ADCY3: variants seen among roughly 807,000 people sequenced by gnomAD.
The protein encoded by ADCY3 is adenylate cyclase 3.
In ADCY3, 70 loss-of-function variants were observed where a neutral mutation model predicts 119.4. The observed-to-expected ratio is 0.59, with a 90% confidence interval of 0.48 to 0.72. The LOEUF is 0.72. Ranked by LOEUF, ADCY3 falls within the 30% of genes least tolerant of loss-of-function variation. ADCY3 has a pLI of 0.00. For synonymous variants in ADCY3, 672 were observed against 621.4 expected (o/e 1.08, Z -1.21); for missense variants, 1,238 against 1,541.6 (o/e 0.80, Z 3.30).
intron 11 of ADCY3, 135 bp from the exon 12 acceptor site, chr2:24,831,884 G>A (rs1272984145): frequency 3.5e-6 from 2 of 575,152 alleles, no homozygotes; most frequent in South Asian, 4.1e-5. Flanking sequence ...AGTGGACAGG[G>A]GCCAGGGGGC....
intron 2 of ADCY3, among the ~76,000 whole-genome samples, chr2:24,914,202 G>A (rs944096865): frequency 3.3e-5 from 5 of 152,170 alleles, no homozygotes; most frequent in African/African-American, 1.2e-4. Context: ...CCTCCCTTCC[G>A]GCTGCTCTGG....
At chr2:24,835,748 C>T (rs1670225083) in intron 9 of ADCY3, among the ~76,000 whole-genome samples, 1 of 151,954 alleles carries the variant, frequency 6.6e-6, no homozygotes, top group Non-Finnish European at 1.5e-5. Flanking sequence ...CCAGACTGGC[C>T]AACATAGTGA....
rs898486316 is a variant in ADCY3, at chr2:24,825,360, T to G, written c.2577+685A>C. 5.5e-3 allele frequency among the ~76,000 whole-genome samples: 327 copies of G among 59,314 alleles called. 2 individuals are homozygous for G. Among genetic ancestry groups the G allele is most frequent in the Non-Finnish European group, 6.2e-3 (180 of 28,824 alleles). 38.9% of individuals were successfully genotyped at this position (59,314 alleles called of 152,430 possible). ...GGGGGGGGGGGGGGTGCGGGGGGGG[T>G]GTCTCACTTTGTCACCCAGGCTGGA... On this transcript the variant is annotated intron_variant, in intron 16 of 21. Coordinates refer to ENST00000679454, the MANE Select transcript of ADCY3 (RefSeq NM_004036.5).
intron 16 of ADCY3, 99 bp from the exon 17 acceptor site, chr2:24,824,635 T>A: frequency 4.3e-6 from 6 of 1,392,702 alleles, no homozygotes; most frequent in Non-Finnish European, 5.9e-6. Flanking sequence ...ATGCCTGTAA[T>A]CCCAGCACTT....
chr2:24,826,130 C>G lies in ADCY3; in HGVS notation c.2496-4G>C, dbSNP rs1381099855. ...CTTGGAAGGCACCAGGGGCAGCCTG[C>G]TGGGCAGAGCGTGTGCAACTGAAAG... is the stretch of plus-strand genomic sequence containing the variant. On this transcript the variant is annotated splice_polypyrimidine_tract_variant and splice_region_variant and intron_variant, in intron 15 of 21. Transcript: ENST00000679454. 1.2e-6 allele frequency: 2 copies of G among 1,613,712 alleles called. No individual in the cohort carries two copies.
rs1239942745 is a variant in ADCY3, at chr2:24,819,176, T to TTGA, written c.*753_*755dup. 6.6e-6 allele frequency: 1 copy of TTGA among 152,668 alleles called. No individual in the cohort carries two copies. The highest frequency in any genetic ancestry group is 1.5e-5 in the Non-Finnish European group (1 of 68,038). 9.5% of individuals were successfully genotyped at this position (152,668 alleles called of 1,614,324 possible). A position where few individuals can be genotyped will look rare whatever the true frequency, so the allele number is the denominator to read the frequency against. Reference sequence around the variant, plus strand: ...CAGAATTTCCACAATCACTTTCAAGTTGAATAAAGCTTTTAATAAAACAGT... The same window carrying TTGA: ...CAGAATTTCCACAATCACTTTCAAGTTGATGAATAAAGCTTTTAATAAAACAGT... On this transcript the variant is annotated 3_prime_UTR_variant, in exon 22 of 22. Transcript: ENST00000679454.
At position 24,842,246 on chromosome 2, in the gene ADCY3, C is replaced by T. The variant is rs748540229; in HGVS notation, c.956+8G>A. ...TGCCATCAGAGCCCGCGCCCCGGGC[C>T]GGCGTACCTGACGTTCTCGTGACGG... On this transcript the variant is annotated splice_region_variant and intron_variant, in intron 4 of 21. Coordinates refer to ENST00000679454, the MANE Select transcript of ADCY3 (RefSeq NM_004036.5). The surrounding 1 kb of genome is among the most constrained non-coding windows in gnomAD (Gnocchi z 4.9). 27 of 1,613,846 alleles carry T rather than the reference C, an allele frequency of 1.7e-5. No individual in the cohort carries two copies. Among genetic ancestry groups the T allele is most frequent in the African/African-American group, 1.2e-4 (9 of 74,910 alleles).
intron 2 of ADCY3, among the ~76,000 whole-genome samples, chr2:24,885,869 G>A (rs1046340692): frequency 6.6e-6 from 1 of 152,112 alleles, no homozygotes; most frequent in African/African-American, 2.4e-5. Context: ...AGCTGCCTGA[G>A]GTAAACCATC....
chr2:24,825,853 G>A (rs993009792), intron 16 of ADCY3, 192 bp downstream of exon 16: 1 of 604,302 alleles, frequency 1.7e-6, no homozygotes, highest in African/African-American at 1.9e-5. Context: ...GAAGAGGTGA[G>A]GAACTGTCTT....
chr2:24,834,470 C>G lies in ADCY3; in HGVS notation c.1967+15G>C, dbSNP rs147173388. 2.9e-5 allele frequency: 46 copies of G among 1,591,596 alleles called. No homozygotes were observed. In the African/African-American group the frequency reaches 4.3e-4, roughly 15 times the overall value. ...AGCCGAGGAAACTCGTGGCCCTCCC[C>G]GGCCCCTCCCTCACCAGGGGTCGAT... is the stretch of plus-strand genomic sequence containing the variant. On this transcript the variant is annotated intron_variant, in intron 11 of 21. Coordinates refer to ENST00000679454, the MANE Select transcript of ADCY3 (RefSeq NM_004036.5). The surrounding 1 kb of genome is among the most constrained non-coding windows in gnomAD (Gnocchi z 4.2).
At chr2:24,845,220 G>A (rs1439923951) in intron 3 of ADCY3, among the ~76,000 whole-genome samples, 5 of 152,214 alleles carry the variant, frequency 3.3e-5, no homozygotes, top group South Asian at 4.1e-4. Flanking sequence ...ACCCAAAAAC[G>A]TGGAAGTGAC....
intron 2 of ADCY3, among the ~76,000 whole-genome samples, chr2:24,888,484 C>T (rs1450241053): frequency 6.6e-6 from 1 of 152,232 alleles, no homozygotes; most frequent in Admixed American, 6.5e-5. Flanking sequence ...TCTGGGGACA[C>T]CAATTAACCT....
chr2:24,821,688 C>T (rs376495789), intron 19 of ADCY3, 48 bp from the exon 20 acceptor site: 83 of 1,599,818 alleles, frequency 5.2e-5, no homozygotes, highest in African/African-American at 1.3e-5. Flanking sequence ...CTCACTGCAG[C>T]AGCCTGCTCT....
chr2:24,820,785 C>T lies in ADCY3; in HGVS notation c.3191G>A (p.Trp1064Ter). Reference sequence around the variant, plus strand: ...GCTGGCTACATTGACTGTATTGCCCCAGATGTCGTAGTGTGGTTTCCGGGC... The same window carrying T: ...GCTGGCTACATTGACTGTATTGCCCTAGATGTCGTAGTGTGGTTTCCGGGC... ...IGARKPHYDI[W>*]GNTVNVASRM... Residue 1064 changes from tryptophan (W) to a stop codon, truncating the protein, a stop_gained, in exon 21 of 22, where the codon TGG becomes TAG. Transcript: ENST00000679454. LOFTEE classifies it high-confidence loss of function. 1.2e-6 allele frequency: 2 copies of T among 1,614,122 alleles called. No homozygotes were observed. Among genetic ancestry groups the T allele is most frequent in the Non-Finnish European group, 1.7e-6 (2 of 1,180,004 alleles).
chr2:24,838,941 A>T, intron 7 of ADCY3: 18 of 1,138,100 alleles, frequency 1.6e-5, no homozygotes, highest in South Asian at 2.7e-5. Flanking sequence ...GCGATAAGGA[A>T]TTTTTTTTTT....
Position 24,839,964 on chromosome 2 carries a change from C to T in ADCY3, c.1264G>A (p.Gly422Arg), listed in dbSNP as rs201280523. 1 of 1,613,878 alleles carries T rather than the reference C, an allele frequency of 6.2e-7. No homozygotes were observed. Among genetic ancestry groups the T allele is most frequent in the Non-Finnish European group, 8.5e-7 (1 of 1,180,028 alleles). Residue 422 changes from glycine (G) to arginine (R), a missense_variant, in exon 7 of 22, where the codon GGG (glycine) becomes AGG (arginine). Around this residue, in one of 7 missense-constraint regions of ADCY3, gnomAD observed 283 missense variants for 437.2 expected, o/e 0.65. Coordinates refer to ENST00000679454, the MANE Select transcript of ADCY3 (RefSeq NM_004036.5). ...CAGCGCTTCTGGCCCAGGACGCCCC[C>T]CAGCACGGTGCCCGTGTGCACCCCC... is the stretch of plus-strand genomic sequence containing the variant. ...RVGVHTGTVLGGVLGQKRWQY... is the reference protein window; with the variant it reads ...RVGVHTGTVLRGVLGQKRWQY...
At chr2:24,916,774 C>A (rs1261151005) in intron 2 of ADCY3, among the ~76,000 whole-genome samples, 1 of 152,234 alleles carries the variant, frequency 6.6e-6, no homozygotes, top group Non-Finnish European at 1.5e-5. Context: ...TCACAGCCCC[C>A]TCTACAGAGA....
chr2:24,822,429 A>T, intron 19 of ADCY3, 82 bp downstream of exon 19: 2 of 1,570,138 alleles, frequency 1.3e-6, no homozygotes, highest in African/African-American at 1.4e-5. Flanking sequence ...AGCAGTTCTT[A>T]TTTCCCCCAT....
At chr2:24,837,164 A>C in intron 8 of ADCY3, 119 bp from the exon 9 acceptor site, 1 of 1,223,126 alleles carries the variant, frequency 8.2e-7, no homozygotes, top group Non-Finnish European at 1.1e-6. Context: ...AGGCCACAGA[A>C]CTTGCTTGTG....
Sources: gnomAD v4.1 joint callset for allele counts (sites outside exome capture counted in the v4.1 genomes callset) on GRCh38, gnomAD v4.1.1 for gene constraint, gnomAD v4.1.1 regional missense constraint, Gnocchi (gnomAD v3.1) non-coding constraint, MANE v1.5 for transcripts, NCBI Gene and HGNC (gene_info 2026-07-23, HGNC 2026-07-21) for gene names.